Variants in BBOF1 observed in about 807,000 individuals in gnomAD.
BBOF1 encodes basal body-orientation factor 1.
A neutral mutation model predicts 68.0 loss-of-function variants in BBOF1; 62 were observed. That is an observed-to-expected ratio of 0.91 (90% CI 0.74 to 1.13). The LOEUF (loss-of-function observed/expected upper bound fraction) is 1.13. BBOF1 is among the 50% of genes most tolerant of loss of function. The pLI is 0.00. For missense variants in BBOF1, 534 were observed against 600.1 expected (o/e 0.89, Z 1.15); for synonymous variants, 208 against 198.8 (o/e 1.05, Z -0.39).
At chr14:74,045,974 T>C in intron 5 of BBOF1, 86 bp from the exon 6 acceptor site, 4 of 1,246,342 alleles carry the variant, frequency 3.2e-6, no homozygotes, top group Non-Finnish European at 4.5e-6. Flanking sequence ...GAGTTTTTTA[T>C]TTGACATTCT....
Position 74,034,063 on chromosome 14 carries a change from G to C in BBOF1, c.387G>C (p.Glu129Asp). 1 of 1,606,798 alleles carries C rather than the reference G, an allele frequency of 6.2e-7. No homozygotes were observed. The highest frequency in any genetic ancestry group is 2.3e-5 in the East Asian group (1 of 44,244). The change falls in exon 4 of 12, where the codon GAG becomes GAC. Residue 129 changes from glutamate (E) to aspartate (D), a missense_variant. Glu to Asp is a conservative substitution (Grantham distance 45). Transcript: ENST00000394009. ...QKYTRQINEL[E>D]GQFHQKAKEI... Reference sequence around the variant, plus strand: ...ATACCAGGCAAATTAATGAACTAGAGGGACAGTTCCATCAAAAAGCCAAAG... The same window carrying C: ...ATACCAGGCAAATTAATGAACTAGACGGACAGTTCCATCAAAAAGCCAAAG...
At chr14:74,052,712 A>G (rs1422467639) in intron 8 of BBOF1, among the ~76,000 whole-genome samples, 3 of 151,172 alleles carry the variant, frequency 2.0e-5, no homozygotes, top group Non-Finnish European at 4.4e-5. Context: ...GTATATGGTA[A>G]TCGGCTGGGT....
intron 3 of BBOF1, among the ~76,000 whole-genome samples, chr14:74,031,512 T>C (rs570921679): frequency 6.6e-6 from 1 of 152,178 alleles, no homozygotes; most frequent in Non-Finnish European, 1.5e-5. Context: ...CAGAATACCA[T>C]AGACTGAGGT....
chr14:74,066,809 C>T, downstream of BBOF1: 1 of 1,613,968 alleles, frequency 6.2e-7, no homozygotes, highest in Non-Finnish European at 8.5e-7. Context: ...TCCTTTGTTC[C>T]ACTATCAATC....
intron 10 of BBOF1, 46 bp from the exon 11 acceptor site, chr14:74,057,097 AT>A: frequency 6.2e-7 from 1 of 1,601,230 alleles, no homozygotes; most frequent in Non-Finnish European, 8.5e-7. Flanking sequence ...ACCAGGTTTC[AT>A]GTGTGTAGAG....
At chr14:74,048,836 C>T (rs2139605735) in intron 7 of BBOF1, among the ~76,000 whole-genome samples, 1 of 152,156 alleles carries the variant, frequency 6.6e-6, no homozygotes, top group South Asian at 2.1e-4. Context: ...CAAGGAGATG[C>T]CATAGTTTCC....
At chr14:74,069,576 C>G (rs1035922637), downstream of BBOF1, among the ~76,000 whole-genome samples, 41 of 151,642 alleles carry the variant, frequency 2.7e-4, no homozygotes, top group Admixed American at 2.7e-3. Context: ...TATGGTGAAA[C>G]CCTGTCTCTA....
At chr14:74,019,595 G>A in intron 1 of BBOF1, 61 bp downstream of exon 1, 1 of 1,546,468 alleles carries the variant, frequency 6.5e-7, no homozygotes, top group Admixed American at 2.0e-5. Flanking sequence ...TCGGGTCTGG[G>A]GCTGGCAACC....
chr14:74,039,517 C>T (rs1322659089), intron 4 of BBOF1, among the ~76,000 whole-genome samples: 5 of 152,120 alleles, frequency 3.3e-5, no homozygotes, highest in South Asian at 4.1e-4. Flanking sequence ...CAACTTCTGC[C>T]TCCTGGGTTC....
intron 9 of BBOF1, among the ~76,000 whole-genome samples, chr14:74,076,162 A>G (rs1700455660): frequency 6.6e-6 from 1 of 152,232 alleles, no homozygotes; most frequent in Non-Finnish European, 1.5e-5. Context: ...AACTCATCAA[A>G]CTGCATACTT....
chr14:74,021,427 A>T (rs982677157), intron 1 of BBOF1, among the ~76,000 whole-genome samples: 1 of 151,984 alleles, frequency 6.6e-6, no homozygotes, highest in Non-Finnish European at 1.5e-5. Flanking sequence ...CTCTACAAAA[A>T]TTTTTATTAA....
chr14:74,070,467 C>T (rs2060533792), downstream of BBOF1, among the ~76,000 whole-genome samples: 2 of 151,994 alleles, frequency 1.3e-5, no homozygotes, highest in South Asian at 2.1e-4. Context: ...TAGAGTGAGC[C>T]GAGATCGCAC....
chr14:74,034,343 T>C (rs540369140), intron 4 of BBOF1, among the ~76,000 whole-genome samples, 172 bp downstream of exon 4: 58 of 152,220 alleles, frequency 3.8e-4, no homozygotes, highest in Non-Finnish European at 7.3e-4. Context: ...GTCTTGACTT[T>C]AGACTTCTCT....
chr14:74,044,180 A>C (rs942529284), intron 5 of BBOF1, among the ~76,000 whole-genome samples: 2 of 152,014 alleles, frequency 1.3e-5, no homozygotes, highest in South Asian at 4.2e-4. Flanking sequence ...CGGGAGACAG[A>C]TGTTGCAGTG....
chr14:74,082,545 G>A (rs562778579), intron 12 of BBOF1, among the ~76,000 whole-genome samples: 34 of 151,684 alleles, frequency 2.2e-4, no homozygotes, highest in African/African-American at 8.2e-4. Context: ...GATTACAGTC[G>A]CCCGCCACCA....
intron 7 of BBOF1, 64 bp downstream of exon 7, chr14:74,048,138 C>A: frequency 6.7e-7 from 1 of 1,490,032 alleles, no homozygotes; most frequent in South Asian, 1.3e-5. Flanking sequence ...TGGTAAATAC[C>A]AAAAATTGGG....
chr14:74,056,661 A>G (rs1039822100), intron 9 of BBOF1, among the ~76,000 whole-genome samples: 2 of 152,198 alleles, frequency 1.3e-5, no homozygotes, highest in Non-Finnish European at 2.9e-5. Flanking sequence ...AATAACTAAA[A>G]GAGTGTAATT....
intron 11 of BBOF1, chr14:74,059,216 A>G: frequency 3.4e-6 from 1 of 297,506 alleles, no homozygotes; most frequent in Non-Finnish European, 6.7e-6. Flanking sequence ...TAATTGCTCT[A>G]CATGAAGAGT....
At chr14:74,024,747 T>C (rs1470259511) in intron 2 of BBOF1, among the ~76,000 whole-genome samples, 1 of 152,070 alleles carries the variant, frequency 6.6e-6, no homozygotes, top group African/African-American at 2.4e-5. Flanking sequence ...ATTGCAAGCA[T>C]GAGCCACCAT....
Sources: allele counts gnomAD v4.1 joint callset (sites outside exome capture counted in the v4.1 genomes callset), GRCh38; gene constraint gnomAD v4.1.1; transcripts MANE v1.5; gene names NCBI Gene and HGNC (gene_info 2026-07-23, HGNC 2026-07-21).